The following SEMA3A variants were observed in gnomAD, a reference collection of about 807,000 sequenced individuals.
SEMA3A encodes semaphorin 3A.
Under a neutral mutation model 97.9 loss-of-function variants are expected in SEMA3A, and 29 were observed. The ratio of observed to expected loss-of-function variants is 0.30; its 90% CI spans 0.22 to 0.40. SEMA3A has a LOEUF of 0.40. SEMA3A is among the 10% of genes least tolerant of loss of function. The pLI, the probability that SEMA3A is intolerant of heterozygous loss-of-function variation, is 1.00. For synonymous variants in SEMA3A, 321 were observed against 323.7 expected (o/e 0.99, Z 0.09); for missense variants, 763 against 951.3 (o/e 0.80, Z 2.60).
At chr7:84,114,692 C>CGTG (rs576577544) in intron 3 of SEMA3A, among the ~76,000 whole-genome samples, 7 of 152,042 alleles carry the variant, frequency 4.6e-5, no homozygotes, top group Non-Finnish European at 1.0e-4. Context: ...AGCAGTAATC[C>CGTG]GTGAGATTGT....
intron 1 of SEMA3A, among the ~76,000 whole-genome samples, chr7:84,482,864 GTTT>G (rs11396239): frequency 1.4e-5 from 2 of 139,836 alleles, no homozygotes; most frequent in Admixed American, 7.2e-5. Flanking sequence ...CAAAATTCTA[GTTT>G]TTTTTTTTTT....
chr7:84,082,422 G>C (rs1462396855), intron 4 of SEMA3A, among the ~76,000 whole-genome samples: 1 of 152,040 alleles, frequency 6.6e-6, no homozygotes, highest in Non-Finnish European at 1.5e-5. Flanking sequence ...AATGAAAAAG[G>C]CATTTGATAC....
chr7:84,343,663 T>C (rs959076059), intron 2 of SEMA3A, among the ~76,000 whole-genome samples: 1 of 152,004 alleles, frequency 6.6e-6, no homozygotes, highest in Non-Finnish European at 1.5e-5. Flanking sequence ...AATATAAAAT[T>C]AGCAGTATGG....
At chr7:84,247,697 T>C (rs1309798565) in intron 3 of SEMA3A, among the ~76,000 whole-genome samples, 1 of 152,146 alleles carries the variant, frequency 6.6e-6, no homozygotes, top group Admixed American at 6.5e-5. Flanking sequence ...AACTCAATGA[T>C]CCACTGGAGA....
chr7:84,328,719 TC>T (rs1309369341), intron 2 of SEMA3A, among the ~76,000 whole-genome samples: 1 of 152,048 alleles, frequency 6.6e-6, no homozygotes, highest in Non-Finnish European at 1.5e-5. Context: ...ACAAATATTT[TC>T]TAAGGATTTG....
intron 6 of SEMA3A, among the ~76,000 whole-genome samples, chr7:84,043,759 C>A (rs1792234961): frequency 6.6e-6 from 1 of 152,010 alleles, no homozygotes; most frequent in African/African-American, 2.4e-5. Flanking sequence ...CAGATGTAAC[C>A]TTTGTGCTAA....
At chr7:84,286,932 T>C (rs191467145) in intron 3 of SEMA3A, among the ~76,000 whole-genome samples, 3 of 152,256 alleles carry the variant, frequency 2.0e-5, no homozygotes, top group Non-Finnish European at 4.4e-5. Flanking sequence ...ATATTTAAAA[T>C]AAACAATTTG....
intron 1 of SEMA3A, among the ~76,000 whole-genome samples, chr7:84,447,330 C>T (rs1001854749): frequency 1.3e-5 from 2 of 152,096 alleles, no homozygotes; most frequent in East Asian, 1.9e-4. Flanking sequence ...GGCTCCTGGG[C>T]GGAGAGACGG....
intron 15 of SEMA3A, 74 bp downstream of exon 15, chr7:83,977,058 G>T: frequency 1.3e-6 from 1 of 754,536 alleles, no homozygotes; most frequent in Non-Finnish European, 2.1e-6. Context: ...TACATTGCAT[G>T]CATATGCATG....
chr7:84,099,132 G>A (rs1232280803), intron 4 of SEMA3A, among the ~76,000 whole-genome samples: 2 of 107,692 alleles, frequency 1.9e-5, no homozygotes, highest in Non-Finnish European at 4.4e-5. Flanking sequence ...GTGCAGTGGC[G>A]CGATCTCGGC....
At chr7:84,319,589 A>C (rs1801597253) in intron 2 of SEMA3A, among the ~76,000 whole-genome samples, 1 of 152,130 alleles carries the variant, frequency 6.6e-6, no homozygotes, top group Non-Finnish European at 1.5e-5. Context: ...TTCTTAAATA[A>C]CATTTAACTA....
intron 12 of SEMA3A, among the ~76,000 whole-genome samples, chr7:83,990,516 C>T (rs1311196715): frequency 3.0e-5 from 4 of 133,740 alleles, no homozygotes; most frequent in African/African-American, 8.3e-5. Flanking sequence ...GGAAGGGATC[C>T]AGTTTCAGCT....
At chr7:84,214,864 A>T (rs951505099) in intron 3 of SEMA3A, among the ~76,000 whole-genome samples, 8 of 150,700 alleles carry the variant, frequency 5.3e-5, no homozygotes, top group Non-Finnish European at 1.2e-4. Context: ...ACACCCAGCT[A>T]ATTTTTTTGT....
At chr7:84,051,490 C>A (rs1000400086) in intron 5 of SEMA3A, among the ~76,000 whole-genome samples, 1 of 152,112 alleles carries the variant, frequency 6.6e-6, no homozygotes, top group African/African-American at 2.4e-5. Flanking sequence ...TGGGAGTTCA[C>A]TCATGATTTG....
At chr7:84,110,670 C>G in intron 3 of SEMA3A, 81 bp from the exon 4 acceptor site, 5 of 1,439,478 alleles carry the variant, frequency 3.5e-6, no homozygotes, top group Non-Finnish European at 4.7e-6. Context: ...CATGCTGGAA[C>G]AGATTTGTCT....
intron 4 of SEMA3A, among the ~76,000 whole-genome samples, chr7:84,095,278 C>CCT (rs1794726102): frequency 1.8e-5 from 1 of 54,120 alleles, no homozygotes; most frequent in African/African-American, 3.7e-5. Flanking sequence ...TATTATGTAG[C>CCT]ATATATATGG....
chr7:83,994,095 C>A (rs987069691), intron 12 of SEMA3A, among the ~76,000 whole-genome samples: 7 of 150,670 alleles, frequency 4.6e-5, no homozygotes, highest in Middle Eastern at 3.2e-3. Context: ...CCCTTTCTTC[C>A]AGTTGATTGC....
intron 3 of SEMA3A, among the ~76,000 whole-genome samples, chr7:84,256,026 C>T (rs537947299): frequency 2.6e-5 from 4 of 151,894 alleles, no homozygotes; most frequent in Non-Finnish European, 4.4e-5. Context: ...ATGTGATTGA[C>T]GGAGGTGACA....
intron 2 of SEMA3A, among the ~76,000 whole-genome samples, chr7:84,309,355 G>C (rs1377952323): frequency 6.6e-6 from 1 of 152,124 alleles, no homozygotes; most frequent in Non-Finnish European, 1.5e-5. Flanking sequence ...CATAAAATGA[G>C]AAAATGAACA....
Sources: allele counts gnomAD v4.1 joint callset (sites outside exome capture counted in the v4.1 genomes callset), GRCh38; gene constraint gnomAD v4.1.1; transcripts MANE v1.5; gene names NCBI Gene and HGNC (gene_info 2026-07-23, HGNC 2026-07-21).